Variants in SKAP2 observed in about 807,000 individuals in gnomAD.
SKAP2 encodes the protein src kinase associated phosphoprotein 2, also known as src kinase-associated phosphoprotein 2.
SKAP2 carries 28 observed loss-of-function variants against 54.9 expected under a neutral mutation model. The observed-to-expected ratio is 0.51, with a 90% CI of 0.38 to 0.70. The LOEUF (loss-of-function observed/expected upper bound fraction) is 0.70, where lower values mean the gene tolerates loss of function less well. SKAP2 is among the 30% of genes least tolerant of loss of function. SKAP2 has a pLI of 0.00. For missense variants in SKAP2, 356 were observed against 424.1 expected (o/e 0.84, Z 1.41); for synonymous variants, 137 against 134.3 (o/e 1.02, Z -0.14).
At chr7:26,669,879 T>A (rs1786190880) in intron 12 of SKAP2, among the ~76,000 whole-genome samples, 1 of 152,192 alleles carries the variant, frequency 6.6e-6, no homozygotes, top group African/African-American at 2.4e-5. Flanking sequence ...CTAAATAATC[T>A]ATTCATTTCC....
At chr7:26,833,955 A>G in intron 4 of SKAP2, among the ~76,000 whole-genome samples, 1 of 152,090 alleles carries the variant, frequency 6.6e-6, no homozygotes, top group East Asian at 1.9e-4. Context: ...GAAGTAAAAC[A>G]CTCCTCAGCA....
chr7:26,822,890 A>G (rs1784410476), intron 4 of SKAP2, among the ~76,000 whole-genome samples: 1 of 151,990 alleles, frequency 6.6e-6, no homozygotes, highest in African/African-American at 2.4e-5. Flanking sequence ...CTCAAAAAAA[A>G]AAAAAATTAC....
At chr7:26,703,652 T>C (rs1380064679) in intron 9 of SKAP2, among the ~76,000 whole-genome samples, 1 of 152,214 alleles carries the variant, frequency 6.6e-6, no homozygotes, top group Non-Finnish European at 1.5e-5. Context: ...AAATCTGCTT[T>C]AGATAATTAT....
the SKAP2 span, among the ~76,000 whole-genome samples, chr7:26,660,726 A>G: frequency 1.3e-5 from 2 of 152,098 alleles, no homozygotes; most frequent in Non-Finnish European, 2.9e-5. Flanking sequence ...TTAAACTGGT[A>G]AGGTTAAGAT....
At chr7:26,862,764 A>C (rs964440576) in intron 1 of SKAP2, among the ~76,000 whole-genome samples, 3 of 152,094 alleles carry the variant, frequency 2.0e-5, no homozygotes, top group African/African-American at 7.2e-5. Context: ...TATGGATCCA[A>C]ATAACAAACT....
intron 4 of SKAP2, among the ~76,000 whole-genome samples, chr7:26,762,488 A>G (rs988832474): frequency 5.9e-5 from 9 of 152,120 alleles, no homozygotes; most frequent in Non-Finnish European, 1.3e-4. Context: ...ATCCACACAC[A>G]CATGCAATAC....
chr7:26,764,170 G>A (rs189960250), intron 4 of SKAP2, among the ~76,000 whole-genome samples: 32 of 152,224 alleles, frequency 2.1e-4, no homozygotes, highest in African/African-American at 6.7e-4. Context: ...GTCTGCAAAC[G>A]TGACTTGATA....
intron 3 of SKAP2, among the ~76,000 whole-genome samples, chr7:26,851,255 CAAAAAAAAAAAA>C (rs35007326): frequency 1.0e-5 from 1 of 99,370 alleles, no homozygotes. Context: ...CCGTTTTTAC[CAAAAAAAAAAAA>C]AAAAAAAAAA....
intron 3 of SKAP2, among the ~76,000 whole-genome samples, chr7:26,845,847 G>A (rs570341672): frequency 6.6e-6 from 1 of 152,076 alleles, no homozygotes; most frequent in African/African-American, 2.4e-5. Flanking sequence ...TAAGAGGACC[G>A]CTTGAGCCCA....
intron 9 of SKAP2, among the ~76,000 whole-genome samples, chr7:26,705,961 T>C (rs1020617274): frequency 1.3e-5 from 2 of 152,186 alleles, no homozygotes; most frequent in African/African-American, 4.8e-5. Flanking sequence ...TTTTTTAAAG[T>C]AGATGTTGCC....
intron 4 of SKAP2, among the ~76,000 whole-genome samples, chr7:26,811,184 G>GA (rs946197486): frequency 1.5e-4 from 22 of 151,702 alleles, no homozygotes; most frequent in Admixed American, 1.1e-3. Flanking sequence ...AGGCTTTGGA[G>GA]AAAAAAAAGA....
chr7:26,684,877 T>A, intron 10 of SKAP2, 29 bp from the exon 11 acceptor site: 1 of 1,326,400 alleles, frequency 7.5e-7, no homozygotes. Context: ...AAGCATGAAT[T>A]AGGGCCTTCA....
intron 9 of SKAP2, among the ~76,000 whole-genome samples, chr7:26,715,691 A>G (rs1342052558): frequency 2.6e-5 from 4 of 152,170 alleles, no homozygotes; most frequent in African/African-American, 9.7e-5. Flanking sequence ...AGGCAGGAAA[A>G]TCACTTGAAC....
At chr7:26,688,794 C>T (rs765365546) in intron 10 of SKAP2, among the ~76,000 whole-genome samples, 20 of 152,150 alleles carry the variant, frequency 1.3e-4, no homozygotes, top group Middle Eastern at 3.4e-3. Flanking sequence ...TGCTTTAAGC[C>T]AAAATATTTG....
Position 26,690,324 on chromosome 7 carries a change from G to T in SKAP2, c.835C>A (p.Gln279Lys). ...ACACTATCCTGACTCATCTTCCTTTGTTCTTCCACTTTCACTGGAGCACTG... is the reference window on the plus strand; with the variant it reads ...ACACTATCCTGACTCATCTTCCTTTTTTCTTCCACTTTCACTGGAGCACTG... ...EDSAPVKVEE[Q>K]RKMSQDSVHH... The change falls in exon 10 of 13, where the codon CAA (glutamine) becomes AAA (lysine). Residue 279 changes from glutamine to lysine, a missense_variant. Physicochemically the swap from Gln to Lys is moderately conservative, Grantham distance 53. Coordinates refer to ENST00000345317, the MANE Select transcript of SKAP2 (RefSeq NM_003930.5). 3 of 1,612,480 alleles carry T rather than the reference G, an allele frequency of 1.9e-6. No individual in the cohort carries two copies. The highest frequency in any genetic ancestry group is 2.5e-6 in the Non-Finnish European group (3 of 1,178,590).
chr7:26,726,716 T>A lies in SKAP2; in HGVS notation c.594+166A>T, dbSNP rs1343554086. 11 of 510,838 alleles carry A rather than the reference T, an allele frequency of 2.2e-5. 1 individual carries two copies. The highest frequency in any genetic ancestry group is 1.2e-4 in the Admixed American group (3 of 25,428). The allele number at this position is 510,838 out of a possible 1,614,324, so 31.6% of individuals were successfully genotyped here. A position where few individuals can be genotyped will look rare whatever the true frequency, so the allele number is the denominator to read the frequency against. ...AGTGTGTGAATTAATCTGAAATTTTTAAAAATTTCCTCTTATATGAATGTT... is the reference window on the plus strand; with the variant it reads ...AGTGTGTGAATTAATCTGAAATTTTAAAAAATTTCCTCTTATATGAATGTT... On this transcript the variant is annotated intron_variant, in intron 7 of 12. Coordinates refer to ENST00000345317, the MANE Select transcript of SKAP2 (RefSeq NM_003930.5).
At chr7:26,824,110 G>A (rs935634885) in intron 4 of SKAP2, among the ~76,000 whole-genome samples, 4 of 152,066 alleles carry the variant, frequency 2.6e-5, no homozygotes, top group African/African-American at 9.7e-5. Flanking sequence ...ATCAATCAAT[G>A]AATCAATCAA....
At chr7:26,724,630 C>A (rs752533434) in intron 9 of SKAP2, among the ~76,000 whole-genome samples, 2 of 152,098 alleles carry the variant, frequency 1.3e-5, no homozygotes, top group Non-Finnish European at 2.9e-5. Flanking sequence ...GCTTATATTG[C>A]TTATGATACC....
intron 4 of SKAP2, among the ~76,000 whole-genome samples, chr7:26,823,959 T>C (rs955309505): frequency 6.6e-6 from 1 of 152,214 alleles, no homozygotes; most frequent in Non-Finnish European, 1.5e-5. Flanking sequence ...ACAATTAATT[T>C]GGAATATAAC....
Sources: allele counts gnomAD v4.1 joint callset (sites outside exome capture counted in the v4.1 genomes callset), GRCh38; gene constraint gnomAD v4.1.1; transcripts MANE v1.5; gene names NCBI Gene and HGNC (gene_info 2026-07-23, HGNC 2026-07-21).